The following SAV1 variants were observed in gnomAD, a reference collection of about 807,000 sequenced individuals.
SAV1 encodes protein salvador homolog 1.
Under a neutral mutation model 47.3 loss-of-function variants are expected in SAV1, and 23 were observed. The observed-to-expected ratio is 0.49, with a 90% CI of 0.35 to 0.69. The LOEUF (loss-of-function observed/expected upper bound fraction) is 0.69. Ranked by LOEUF, SAV1 falls within the 30% of genes least tolerant of loss-of-function variation. SAV1 has a pLI of 0.01. For missense variants in SAV1, 448 were observed against 457.4 expected (o/e 0.98, Z 0.19); for synonymous variants, 155 against 159.2 (o/e 0.97, Z 0.20).
intron 1 of SAV1, chr14:50,667,326 T>C (rs2039910253): frequency 2.3e-6 from 1 of 439,462 alleles, no homozygotes; most frequent in South Asian, 1.6e-5. Context: ...TGCTCTGCTG[T>C]GTAAGAGTGA....
At chr14:50,661,253 G>C (rs1038884008) in intron 2 of SAV1, among the ~76,000 whole-genome samples, 1 of 152,146 alleles carries the variant, frequency 6.6e-6, no homozygotes, top group African/African-American at 2.4e-5. Context: ...CCATTTGTAT[G>C]TCTTCTTTTG....
chr14:50,667,786 C>T (rs2039915670), intron 1 of SAV1, 88 bp downstream of exon 1: 2 of 958,802 alleles, frequency 2.1e-6, no homozygotes, highest in African/African-American at 1.7e-5. Flanking sequence ...GAAGGAGAAG[C>T]CCTGGAGACC....
chr14:50,666,700 A>T (rs2140267999), intron 1 of SAV1, among the ~76,000 whole-genome samples: 1 of 152,234 alleles, frequency 6.6e-6, no homozygotes, highest in East Asian at 1.9e-4. Context: ...TGTCTGATAA[A>T]CTTTATTTGC....
intron 2 of SAV1, among the ~76,000 whole-genome samples, chr14:50,654,148 G>T (rs891839558): frequency 1.3e-5 from 2 of 152,180 alleles, no homozygotes; most frequent in African/African-American, 4.8e-5. Flanking sequence ...TCCATCAATG[G>T]ACTTTACCTT....
At chr14:50,662,865 C>T (rs1409887647) in intron 2 of SAV1, 1 of 152,218 alleles carries the variant, frequency 6.6e-6, no homozygotes, top group East Asian at 1.9e-4. Context: ...TGTCTTAAGC[C>T]TCCAGATTTA....
chr14:50,644,302 T>C (rs1484359116), intron 3 of SAV1, among the ~76,000 whole-genome samples: 1 of 152,212 alleles, frequency 6.6e-6, no homozygotes, highest in Non-Finnish European at 1.5e-5. Context: ...TTCACTTTCT[T>C]GTCTAGTAAT....
chr14:50,641,581 A>G (rs1037604061), intron 3 of SAV1, among the ~76,000 whole-genome samples: 2 of 152,212 alleles, frequency 1.3e-5, no homozygotes, highest in African/African-American at 4.8e-5. Flanking sequence ...TTATGTGTAT[A>G]TGTGGCCAAC....
Position 50,635,360 on chromosome 14 carries a change from T to A in SAV1, c.975A>T (p.Glu325Asp), listed in dbSNP as rs771168089. ...PVKYDHILKW[E>D]LFQLADLDTY... ...TATCCAGGTCAGCCAGCTGGAAGAGTTCCCACTTCAGAATGTGGTCATATC... is the reference window on the plus strand; with the variant it reads ...TATCCAGGTCAGCCAGCTGGAAGAGATCCCACTTCAGAATGTGGTCATATC... Residue 325 changes from glutamate to aspartate, a missense_variant, in exon 5 of 5, where the codon GAA (glutamate) becomes GAT (aspartate). Coordinates refer to ENST00000324679, the MANE Select transcript of SAV1 (RefSeq NM_021818.4). 6.2e-7 allele frequency: 1 copy of A among 1,613,928 alleles called. No individual in the cohort carries two copies. The highest frequency in any genetic ancestry group is 1.7e-5 in the Admixed American group (1 of 59,982).
chr14:50,667,939 T>C lies in SAV1; in HGVS notation c.29A>G (p.Glu10Gly). The C allele has an allele frequency of 6.2e-7, 1 of 1,611,838 alleles. No individual in the cohort carries two copies. The highest frequency in any genetic ancestry group is 8.5e-7 in the Non-Finnish European group (1 of 1,179,194). ...CTGCACCTCGGCCGGCTTGGACACT[T>C]CGTTTTTGGTTTTCTTTCGGGACAG... is the stretch of plus-strand genomic sequence containing the variant. MLSRKKTKN[E>G]VSKPAEVQGK... Residue 10 changes from glutamate to glycine, a missense_variant, in exon 1 of 5, where the codon GAA becomes GGA. By Grantham distance (98) the Glu-to-Gly change is moderately conservative (BLOSUM62 -2). Transcript: ENST00000324679.
chr14:50,667,496 C>A (rs1184651492), intron 1 of SAV1: 1 of 461,796 alleles, frequency 2.2e-6, no homozygotes, highest in East Asian at 6.8e-5. Flanking sequence ...CACATCTCGA[C>A]GCATCTAAAA....
intron 2 of SAV1, among the ~76,000 whole-genome samples, chr14:50,654,734 AT>A (rs1467234459): frequency 1.3e-5 from 2 of 152,250 alleles, no homozygotes; most frequent in Non-Finnish European, 2.9e-5. Flanking sequence ...GCCAATGATC[AT>A]TAATGGCTGC....
At chr14:50,659,639 G>T (rs1361549217) in intron 2 of SAV1, among the ~76,000 whole-genome samples, 1 of 152,160 alleles carries the variant, frequency 6.6e-6, no homozygotes, top group Non-Finnish European at 1.5e-5. Context: ...GCTTGAGCTT[G>T]GGAGTTTGAC....
Position 50,665,483 on chromosome 14 carries a change from T to G in SAV1, c.231A>C (p.Pro77=), listed in dbSNP as rs776035360. ...VSRNQSFLRT[P]IQRTPHEIMR... ...TTATTTCATGAGGTGTTCTTTGAAT[T>G]GGAGTTCTAAGGAAACTCTGGTTTC... is the stretch of plus-strand genomic sequence containing the variant. The change falls in exon 2 of 5, where the codon CCA becomes CCC. Residue 77 remains proline, a synonymous_variant. Coordinates refer to ENST00000324679, the MANE Select transcript of SAV1 (RefSeq NM_021818.4). 6 of 1,614,070 alleles carry G rather than the reference T, an allele frequency of 3.7e-6. No individual in the cohort carries two copies. In the Admixed American group the frequency reaches 6.7e-5, roughly 18 times the overall value.
intron 2 of SAV1, among the ~76,000 whole-genome samples, chr14:50,650,375 T>A (rs1315376486): frequency 1.3e-5 from 2 of 152,194 alleles, no homozygotes; most frequent in Non-Finnish European, 2.9e-5. Flanking sequence ...TGCCCTGGAA[T>A]AATATTCGGG....
chr14:50,656,737 C>T (rs1216569506), intron 2 of SAV1, among the ~76,000 whole-genome samples: 4 of 152,148 alleles, frequency 2.6e-5, no homozygotes, highest in East Asian at 3.9e-4. Flanking sequence ...CCACCGTGCC[C>T]GGCCCCAGCT....
In SAV1 at chr14:50,653,318, A is replaced by G. The variant is rs988962912; in HGVS notation, c.536-8304T>C. On this transcript the variant is annotated intron_variant, in intron 2 of 4. Coordinates refer to ENST00000324679, the MANE Select transcript of SAV1 (RefSeq NM_021818.4). ...TAGGTGGCTAGGGTATCAATTCATCATTCTGAAATAGCAAACAAAGGAAAA... is the reference window on the plus strand; with the variant it reads ...TAGGTGGCTAGGGTATCAATTCATCGTTCTGAAATAGCAAACAAAGGAAAA... Among the ~76,000 whole-genome samples the G allele has an allele frequency of 6.1e-4, 93 of 152,220 alleles. 4 individuals are homozygous for G. The highest frequency in any genetic ancestry group is 2.1e-4 in the South Asian group (1 of 4,832).
Position 50,634,999 on chromosome 14 carries a change from A to G in SAV1, c.*184T>C. On this transcript the variant is annotated 3_prime_UTR_variant, in exon 5 of 5. Transcript: ENST00000324679. ...AAGTGTTTGCCATATTGGCTCTTAA[A>G]ATGATAGACTAATTTTTCTCATTCA... is the stretch of plus-strand genomic sequence containing the variant. The G allele has an allele frequency of 3.4e-6, 2 of 585,456 alleles. No individual in the cohort carries two copies. Among genetic ancestry groups the G allele is most frequent in the South Asian group, 4.3e-5 (2 of 46,772 alleles). The allele number at this position is 585,456 out of a possible 1,614,324, so 36.3% of individuals were successfully genotyped here.
In SAV1 at chr14:50,635,355, A is replaced by C; in HGVS notation, c.980T>G (p.Phe327Cys). The change falls in exon 5 of 5, where the codon TTC (phenylalanine) becomes TGC (cysteine). Residue 327 changes from phenylalanine (F) to cysteine (C), a missense_variant. Coordinates refer to ENST00000324679, the MANE Select transcript of SAV1 (RefSeq NM_021818.4). The part of the protein sequence containing the change: ...KYDHILKWEL[F>C]QLADLDTYQG... Reference sequence around the variant, plus strand: ...GTATGTATCCAGGTCAGCCAGCTGGAAGAGTTCCCACTTCAGAATGTGGTC... The same window carrying C: ...GTATGTATCCAGGTCAGCCAGCTGGCAGAGTTCCCACTTCAGAATGTGGTC... 6.2e-7 allele frequency: 1 copy of C among 1,614,098 alleles called. No homozygotes were observed. The highest frequency in any genetic ancestry group is 8.5e-7 in the Non-Finnish European group (1 of 1,179,974).
At chr14:50,653,826 G>A (rs1256216248) in intron 2 of SAV1, among the ~76,000 whole-genome samples, 1 of 150,986 alleles carries the variant, frequency 6.6e-6, no homozygotes, top group African/African-American at 2.4e-5. Context: ...CCGAGATCAT[G>A]CCACTGCACT....
Sources: gnomAD v4.1 joint callset for allele counts (sites outside exome capture counted in the v4.1 genomes callset) on GRCh38, gnomAD v4.1.1 for gene constraint, MANE v1.5 for transcripts, NCBI Gene and HGNC (gene_info 2026-07-23, HGNC 2026-07-21) for gene names.